RNF213: variants seen among roughly 807,000 people sequenced by gnomAD.
The protein encoded by RNF213 is E3 ubiquitin-protein ligase RNF213.
Under a neutral mutation model 514.4 loss-of-function variants are expected in RNF213, and 341 were observed. That is an observed-to-expected ratio of 0.66 (90% CI 0.61 to 0.73). The LOEUF is 0.73. Among genes scored for constraint, RNF213 ranks in the 30% least tolerant of loss-of-function variants. The pLI is 0.00. For synonymous variants in RNF213, 2,655 were observed against 2,658.2 expected (o/e 1.00, Z 0.04); for missense variants, 5,767 against 6,615.6 (o/e 0.87, Z 4.45).
chr17:80,389,388 GA>G, intron 65 of RNF213, 21 bp downstream of exon 65: 1 of 1,610,008 alleles, frequency 6.2e-7, no homozygotes, highest in Non-Finnish European at 8.5e-7. Flanking sequence ...CACCGAAAAG[GA>G]AATCAGCACA....
chr17:80,335,685 G>A (rs1348224709), intron 22 of RNF213, among the ~76,000 whole-genome samples: 1 of 152,114 alleles, frequency 6.6e-6, no homozygotes, highest in Non-Finnish European at 1.5e-5. Context: ...GCTATTAACA[G>A]ACAGTACAGG....
rs2079811665 is a variant in RNF213 at position 80,377,567 on chromosome 17, C to T, written c.13511-195C>T. 4 of 679,102 alleles carry T rather than the reference C, an allele frequency of 5.9e-6. No homozygotes were observed. Among genetic ancestry groups the T allele is most frequent in the Non-Finnish European group, 1.1e-5 (4 of 367,332 alleles). The allele number at this position is 679,102 out of a possible 1,614,324, so 42.1% of individuals were successfully genotyped here. A position where few individuals can be genotyped will look rare whatever the true frequency, so the allele number is the denominator to read the frequency against. On this transcript the variant is annotated intron_variant, in intron 53 of 67. Transcript: ENST00000582970. The surrounding 1 kb of genome is among the most constrained non-coding windows in gnomAD (Gnocchi z 4.1). ...TAAAATTAATAAAATTAGACTCAGA[C>T]ATTTTTCACTGACAACATACATTTA... is the stretch of plus-strand genomic sequence containing the variant.
chr17:80,374,417 T>C, intron 49 of RNF213, 41 bp from the exon 50 acceptor site: 1 of 1,613,426 alleles, frequency 6.2e-7, no homozygotes, highest in Non-Finnish European at 8.5e-7. Flanking sequence ...TTGCAAGACA[T>C]TCCTCCCATT....
At chr17:80,278,671 G>C (rs1383632210) in intron 3 of RNF213, 2 of 1,468,146 alleles carry the variant, frequency 1.4e-6, no homozygotes, top group Admixed American at 2.0e-5. Flanking sequence ...CCCAAGAGGA[G>C]GTGGCCCCTG....
At position 80,346,885 on chromosome 17, in the gene RNF213, A is replaced by G. The variant is rs760198453; in HGVS notation, c.8550A>G (p.Glu2850=). The change falls in exon 29 of 68, where the codon GAA becomes GAG. Residue 2850 remains glutamate, a synonymous_variant. Transcript: ENST00000582970. This position sits in a 1 kb window ranked among gnomAD's most constrained non-coding sequence, Gnocchi z 8.1. ...TGTTAGATGAGGTGGGGCTGGCGGAAGACTCACCCAAAATGCCCCTGAAGA... is the reference window on the plus strand; with the variant it reads ...TGTTAGATGAGGTGGGGCTGGCGGAGGACTCACCCAAAATGCCCCTGAAGA... ...VVVLDEVGLA[E]DSPKMPLKTL... is the part of the protein sequence containing the mutation. The G allele has an allele frequency of 2.5e-6, 4 of 1,614,042 alleles. No homozygotes were observed. The highest frequency in any genetic ancestry group is 2.2e-5 in the South Asian group (2 of 91,084).
At chr17:80,324,947 C>A in intron 17 of RNF213, 83 bp from the exon 18 acceptor site, 1 of 1,287,678 alleles carries the variant, frequency 7.8e-7, no homozygotes, top group Non-Finnish European at 1.1e-6. Flanking sequence ...GAAATGCTAT[C>A]GAGTAGGTAA....
At chr17:80,283,112 C>T (rs193300182) in intron 3 of RNF213, among the ~76,000 whole-genome samples, 61 of 152,148 alleles carry the variant, frequency 4.0e-4, no homozygotes, top group Non-Finnish European at 7.6e-4. Flanking sequence ...TTATAAATAC[C>T]GCTATGGTTA....
In RNF213 at chr17:80,361,829, T is replaced by C. The variant is rs1453239137; in HGVS notation, c.11296T>C (p.Cys3766Arg). The C allele has an allele frequency of 7.4e-6, 12 of 1,613,772 alleles. No individual in the cohort carries two copies. The Admixed American group carries it at 1.8e-4, about 25-fold the overall frequency. The part of the protein sequence containing the change: ...HGEPQQELLQ[C>R]YLKDFILLTM... ...AGAGCCGCAGCAGGAACTTCTTCAG[T>C]GTTACTTGAAGGATTTCATTCTCTT... Residue 3766 changes from cysteine (C) to arginine (R), a missense_variant, in exon 39 of 68, where the codon TGT (cysteine) becomes CGT (arginine). Physicochemically the swap from Cys to Arg is radical, Grantham distance 180 (BLOSUM62 -3). This residue lies in a region of RNF213 where 355 missense variants were observed against 358.0 expected (regional missense o/e 0.99). Transcript: ENST00000582970.
chr17:80,310,843 C>T (rs1017860418), intron 14 of RNF213, among the ~76,000 whole-genome samples: 2 of 152,226 alleles, frequency 1.3e-5, no homozygotes, highest in Non-Finnish European at 2.9e-5. Flanking sequence ...TGAGCTACTG[C>T]ACCCGGCTGA....
chr17:80,267,205 G>A (rs1210145508), intron 2 of RNF213, among the ~76,000 whole-genome samples: 1 of 149,752 alleles, frequency 6.7e-6, no homozygotes, highest in Non-Finnish European at 1.5e-5. Context: ...TGACAACAGC[G>A]AGACTCTGTC....
chr17:80,336,469 C>G, intron 23 of RNF213, 91 bp downstream of exon 23: 1 of 1,136,784 alleles, frequency 8.8e-7, no homozygotes, highest in African/African-American at 1.5e-5. Flanking sequence ...GGTGGCACAC[C>G]TGTGTGGTAG....
intron 59 of RNF213, 52 bp from the exon 60 acceptor site, chr17:80,384,987 A>G: frequency 1.2e-6 from 2 of 1,603,038 alleles, no homozygotes; most frequent in Non-Finnish European, 1.7e-6. Context: ...TAACCCCAAT[A>G]ACATTTTTTA....
chr17:80,290,377 G>A (rs889648445), intron 6 of RNF213, among the ~76,000 whole-genome samples, 193 bp from the exon 7 acceptor site: 1 of 151,902 alleles, frequency 6.6e-6, no homozygotes, highest in Non-Finnish European at 1.5e-5. Context: ...GTGTGAGTGC[G>A]TGCACGTGTG....
rs959841405 is a variant in RNF213, at chr17:80,328,359, A to G, written c.3399A>G (p.Gln1133=). The part of the protein sequence containing the change: ...REKSLSPQDE[Q]CAVEEALDWR... Reference sequence around the variant, plus strand: ...AAAGTCTTTCACCCCAGGATGAACAATGTGCTGTGGAGGAAGCACTGGATT... The same window carrying G: ...AAAGTCTTTCACCCCAGGATGAACAGTGTGCTGTGGAGGAAGCACTGGATT... Residue 1133 remains glutamine (Q), a synonymous_variant, in exon 20 of 68, where the codon CAA becomes CAG. Transcript: ENST00000582970. The G allele has an allele frequency of 4.6e-6, 7 of 1,537,078 alleles. No individual in the cohort carries two copies. The Admixed American group carries it at 9.8e-5, about 22-fold the overall frequency.
At position 80,352,753 on chromosome 17, in the gene RNF213, G is replaced by A. The variant is rs138228755; in HGVS notation, c.10304-187G>A. ...TGAAGCTGTCGATGGGCATAGAATCGGGTCGTGTATAGTATCGGGTTGGGT... is the reference window on the plus strand; with the variant it reads ...TGAAGCTGTCGATGGGCATAGAATCAGGTCGTGTATAGTATCGGGTTGGGT... On this transcript the variant is annotated intron_variant, in intron 32 of 67. Transcript: ENST00000582970. 2,468 of 806,672 alleles carry A rather than the reference G, an allele frequency of 3.1e-3. 10 individuals carry two copies. Among genetic ancestry groups the A allele is most frequent in the Middle Eastern group, 5.4e-3 (24 of 4,480 alleles). 50.0% of individuals were successfully genotyped at this position (806,672 alleles called of 1,614,324 possible). A position where few individuals can be genotyped will look rare whatever the true frequency, so the allele number is the denominator to read the frequency against.
In RNF213 at chr17:80,336,393, G is replaced by A; in HGVS notation, c.4527+15G>A. 1 of 1,535,854 alleles carries A rather than the reference G, an allele frequency of 6.5e-7. No individual in the cohort carries two copies. Among genetic ancestry groups the A allele is most frequent in the Non-Finnish European group, 8.7e-7 (1 of 1,145,656 alleles). ...CCAGGAAACTGGTGAGTCTTATTCTGTCTCTAATGCAGATTTTGTTGAATA... is the reference window on the plus strand; with the variant it reads ...CCAGGAAACTGGTGAGTCTTATTCTATCTCTAATGCAGATTTTGTTGAATA... On this transcript the variant is annotated intron_variant, in intron 23 of 67. Coordinates refer to ENST00000582970, the MANE Select transcript of RNF213 (RefSeq NM_001256071.3).
At chr17:80,363,868 A>G in intron 41 of RNF213, 78 bp downstream of exon 41, 4 of 1,407,720 alleles carry the variant, frequency 2.8e-6, no homozygotes, top group Non-Finnish European at 4.0e-6. Flanking sequence ...AGGCATGTCC[A>G]TGAGAAGACG....
rs151112444 is a variant in RNF213 at position 80,281,277 on chromosome 17, TC to T, written c.262-6531del. ...CATACCCCACTCACACCACTCACAC[TC>T]CCCCCCACACACATACCCTCCACAC... On this transcript the variant is annotated intron_variant, in intron 3 of 67. Coordinates refer to ENST00000582970, the MANE Select transcript of RNF213 (RefSeq NM_001256071.3). Among the ~76,000 whole-genome samples, 18 of 7,602 alleles carry T rather than the reference TC, an allele frequency of 2.4e-3. 1 individual carries two copies. Among genetic ancestry groups the T allele is most frequent in the African/African-American group, 9.2e-3 (14 of 1,522 alleles). 5.0% of individuals were successfully genotyped at this position (7,602 alleles called of 152,430 possible). A position where few individuals can be genotyped will look rare whatever the true frequency, so the allele number is the denominator to read the frequency against.
rs756790622 is a variant in RNF213 at position 80,346,396 on chromosome 17, G to A, written c.8061G>A (p.Leu2687=). 1 of 1,613,198 alleles carries A rather than the reference G, an allele frequency of 6.2e-7. No individual in the cohort carries two copies. Among genetic ancestry groups the A allele is most frequent in the East Asian group, 2.2e-5 (1 of 44,842 alleles). ...ATCCCGTCCTCTGGTCGTTGATGCTGGCCATCGGGGTGTGTTACCATGCCT... is the reference window on the plus strand; with the variant it reads ...ATCCCGTCCTCTGGTCGTTGATGCTAGCCATCGGGGTGTGTTACCATGCCT... The part of the protein sequence containing the change: ...ERDPVLWSLM[L]AIGVCYHASL... The change falls in exon 29 of 68, where the codon CTG becomes CTA. Residue 2687 remains leucine (L), a synonymous_variant. Coordinates refer to ENST00000582970, the MANE Select transcript of RNF213 (RefSeq NM_001256071.3). The surrounding 1 kb of genome is among the most constrained non-coding windows in gnomAD (Gnocchi z 8.1).
Sources: allele counts gnomAD v4.1 joint callset (sites outside exome capture counted in the v4.1 genomes callset), GRCh38; gene constraint gnomAD v4.1.1; regional missense constraint gnomAD v4.1.1; non-coding constraint Gnocchi (gnomAD v3.1); transcripts MANE v1.5; gene names NCBI Gene and HGNC (gene_info 2026-07-23, HGNC 2026-07-21).